The following LRRTM3 variants were observed in gnomAD, a reference collection of about 807,000 sequenced individuals.
LRRTM3 encodes the protein leucine rich repeat transmembrane neuronal 3.
A neutral mutation model predicts 44.7 loss-of-function variants in LRRTM3; 24 were observed. That is an observed-to-expected ratio of 0.54 (90% CI 0.39 to 0.76). LRRTM3 has a LOEUF of 0.76. Ranked by LOEUF, LRRTM3 falls within the 30% of genes least tolerant of loss-of-function variation. The pLI, the probability that LRRTM3 is intolerant of heterozygous loss-of-function variation, is 0.00. For missense variants in LRRTM3, 587 were observed against 702.2 expected (o/e 0.84, Z 1.85); for synonymous variants, 277 against 278.7 (o/e 0.99, Z 0.06).
At chr10:67,059,275 C>G (rs1424444471) in intron 2 of LRRTM3, among the ~76,000 whole-genome samples, 1 of 152,052 alleles carries the variant, frequency 6.6e-6, no homozygotes, top group East Asian at 1.9e-4. Context: ...TTTGAATTAG[C>G]TAAATGAATT....
intron 2 of LRRTM3, among the ~76,000 whole-genome samples, chr10:67,047,944 A>T (rs1327499983): frequency 6.6e-6 from 1 of 152,072 alleles, no homozygotes; most frequent in Non-Finnish European, 1.5e-5. Context: ...ATTAGCAGAT[A>T]AGCTTTCTGA....
intron 2 of LRRTM3, among the ~76,000 whole-genome samples, chr10:67,022,192 A>G (rs900380465): frequency 3.9e-5 from 6 of 152,212 alleles, no homozygotes; most frequent in African/African-American, 1.4e-4. Context: ...TGGAAAGAAC[A>G]TGGAGCAACA....
intron 2 of LRRTM3, among the ~76,000 whole-genome samples, chr10:67,083,535 T>C (rs1325107024): frequency 6.6e-6 from 1 of 152,240 alleles, no homozygotes; most frequent in Non-Finnish European, 1.5e-5. Flanking sequence ...TTGAGTTATA[T>C]GTGAATTGTT....
At chr10:67,020,873 A>C (rs1328142723) in intron 2 of LRRTM3, among the ~76,000 whole-genome samples, 1 of 152,158 alleles carries the variant, frequency 6.6e-6, no homozygotes, top group African/African-American at 2.4e-5. Flanking sequence ...TAATGCATGG[A>C]AGAGGAAAAT....
intron 2 of LRRTM3, among the ~76,000 whole-genome samples, chr10:67,070,745 CA>C (rs199625404): frequency 1.3e-4 from 18 of 143,298 alleles, no homozygotes; most frequent in Middle Eastern, 3.6e-3. Flanking sequence ...GACCCCATCT[CA>C]AAAAAAAAAG....
intron 2 of LRRTM3, among the ~76,000 whole-genome samples, chr10:66,942,607 CGT>C (rs532361291): frequency 6.7e-6 from 1 of 149,056 alleles, no homozygotes; most frequent in Non-Finnish European, 1.5e-5. Flanking sequence ...TGTGTGTCTG[CGT>C]GTGTGTGCAT....
intron 2 of LRRTM3, among the ~76,000 whole-genome samples, chr10:67,073,595 A>T (rs1211006812): frequency 1.3e-5 from 2 of 152,190 alleles, no homozygotes; most frequent in Non-Finnish European, 2.9e-5. Flanking sequence ...TCATATTAAA[A>T]AAACAGAGAT....
chr10:67,074,790 TTAA>T (rs1179219206), intron 2 of LRRTM3, among the ~76,000 whole-genome samples: 1 of 152,120 alleles, frequency 6.6e-6, no homozygotes, highest in Non-Finnish European at 1.5e-5. Flanking sequence ...AAATACATTC[TTAA>T]TATTATGAAC....
intron 2 of LRRTM3, among the ~76,000 whole-genome samples, chr10:67,064,663 T>C (rs1855962381): frequency 6.6e-6 from 1 of 152,168 alleles, no homozygotes; most frequent in South Asian, 2.1e-4. Flanking sequence ...TTTAAGGGTT[T>C]GTTTTGCTAA....
At chr10:67,032,589 C>A (rs139505667) in intron 2 of LRRTM3, among the ~76,000 whole-genome samples, 2 of 152,254 alleles carry the variant, frequency 1.3e-5, no homozygotes, top group African/African-American at 2.4e-5. Context: ...TATTAAGCAT[C>A]AGACAGATGT....
chr10:67,076,341 T>C (rs1488200957), intron 2 of LRRTM3, among the ~76,000 whole-genome samples: 1 of 152,258 alleles, frequency 6.6e-6, no homozygotes, highest in African/African-American at 2.4e-5. Flanking sequence ...TGAGTAATCA[T>C]GATCCAGTAG....
In LRRTM3 at chr10:66,928,080, G is replaced by A. The variant is rs569950946; in HGVS notation, c.1164G>A (p.Lys388=). The change falls in exon 2 of 3, where the codon AAG becomes AAA. Residue 388 remains lysine (K), a synonymous_variant. Transcript: ENST00000361320. ...TTAAGCCCAAGCTCCCCAGGCCGAA[G>A]CATGAGAGCAAACCCCCTTTGCCCC... ...PTFKPKLPRP[K]HESKPPLPPT... is the part of the protein sequence containing the mutation. 44 of 1,614,078 alleles carry A rather than the reference G, an allele frequency of 2.7e-5. No individual in the cohort carries two copies. In the East Asian group the frequency reaches 7.8e-4, roughly 29 times the overall value.
chr10:66,976,144 A>T (rs1339362860), intron 2 of LRRTM3, among the ~76,000 whole-genome samples: 1 of 152,190 alleles, frequency 6.6e-6, no homozygotes, highest in Non-Finnish European at 1.5e-5. Context: ...TTTGTAAAAC[A>T]TATGTTCTTG....
intron 2 of LRRTM3, among the ~76,000 whole-genome samples, chr10:66,960,947 C>CCTT (rs1849075636): frequency 1.3e-5 from 2 of 152,112 alleles, no homozygotes; most frequent in Non-Finnish European, 2.9e-5. Flanking sequence ...ACTAGTTAAT[C>CCTT]ACAAGGGATC....
chr10:67,035,791 T>G (rs1393930449), intron 2 of LRRTM3, among the ~76,000 whole-genome samples: 1 of 45,208 alleles, frequency 2.2e-5, no homozygotes, highest in Non-Finnish European at 7.7e-5. Context: ...TTATCAACAT[T>G]TGCTTTAAAA....
rs1350433172 is a variant in LRRTM3, at chr10:67,097,891, C to T, written c.*95C>T. 4.8e-6 allele frequency: 5 copies of T among 1,042,652 alleles called. No homozygotes were observed. In the African/African-American group the frequency reaches 6.4e-5, roughly 13 times the overall value. The allele number at this position is 1,042,652 out of a possible 1,614,324, so 64.6% of individuals were successfully genotyped here. ...TTCATTGTGGACTCTAAAAACAAAA[C>T]AAAACACAAAATCCCCTGTTCAAAT... is the stretch of plus-strand genomic sequence containing the variant. On this transcript the variant is annotated 3_prime_UTR_variant, in exon 3 of 3. Transcript: ENST00000361320.
At chr10:66,953,483 A>T (rs1296181463) in intron 2 of LRRTM3, among the ~76,000 whole-genome samples, 2 of 152,136 alleles carry the variant, frequency 1.3e-5, no homozygotes, top group Non-Finnish European at 2.9e-5. Context: ...GTACTTTCCC[A>T]ACAAAGAATA....
In LRRTM3 at chr10:66,926,308, A is replaced by G; in HGVS notation, c.-276A>G. The G allele has an allele frequency of 2.2e-6, 1 of 449,836 alleles. No individual in the cohort carries two copies. The highest frequency in any genetic ancestry group is 4.1e-6 in the Non-Finnish European group (1 of 241,614). The allele number at this position is 449,836 out of a possible 1,614,324, so 27.9% of individuals were successfully genotyped here. A position where few individuals can be genotyped will look rare whatever the true frequency, so the allele number is the denominator to read the frequency against. ...CCCCACCCCCCAAAAAACTGTAAAG[A>G]TGCAAAAACGTAATATCCATGAAGA... On this transcript the variant is annotated 5_prime_UTR_variant, in exon 1 of 3. The change abolishes an upstream ATG in the 5' untranslated region. Coordinates refer to ENST00000361320, the MANE Select transcript of LRRTM3 (RefSeq NM_178011.5).
intron 2 of LRRTM3, among the ~76,000 whole-genome samples, chr10:67,044,601 T>G (rs1854611596): frequency 6.6e-6 from 1 of 152,188 alleles, no homozygotes; most frequent in Non-Finnish European, 1.5e-5. Flanking sequence ...GAGACAGGAT[T>G]TGTCTTATTC....
Sources: allele counts gnomAD v4.1 joint callset (sites outside exome capture counted in the v4.1 genomes callset), GRCh38; gene constraint gnomAD v4.1.1; transcripts MANE v1.5; gene names NCBI Gene and HGNC (gene_info 2026-07-23, HGNC 2026-07-21).